REEP1: variants seen among roughly 807,000 people sequenced by gnomAD.
The protein encoded by REEP1 is receptor accessory protein 1.
In REEP1, 22 loss-of-function variants were observed where a neutral mutation model predicts 40.3. The observed-to-expected ratio is 0.55, with a 90% CI of 0.39 to 0.78. REEP1 has a LOEUF of 0.78. Ranked by LOEUF, REEP1 falls within the 30% of genes least tolerant of loss-of-function variation. The pLI, the probability that REEP1 is intolerant of heterozygous loss-of-function variation, is 0.00. For missense variants in REEP1, 280 were observed against 361.1 expected (o/e 0.78, Z 1.82); for synonymous variants, 116 against 139.2 (o/e 0.83, Z 1.17).
chr2:86,329,761 G>A (rs1312896142), intron 1 of REEP1, among the ~76,000 whole-genome samples: 1 of 152,108 alleles, frequency 6.6e-6, no homozygotes, highest in African/African-American at 2.4e-5. Context: ...ACACTCTGAG[G>A]AGTGAGGTCC....
intron 1 of REEP1, among the ~76,000 whole-genome samples, chr2:86,320,179 C>T (rs144941249): frequency 4.9e-4 from 75 of 152,258 alleles, no homozygotes; most frequent in African/African-American, 1.7e-3. Flanking sequence ...GTAAAAACAC[C>T]CATTCTCTAG....
chr2:86,286,672 G>A lies in REEP1; in HGVS notation c.33-4430C>T, dbSNP rs989879388. On this transcript the variant is annotated intron_variant, in intron 1 of 8. Coordinates refer to ENST00000538924, the MANE Select transcript of REEP1 (RefSeq NM_001371279.1). ...GCTGGCCAATGTCAGCGAAAACACA[G>A]CTCTGAAGTTGCTTATCAACTTCCT... 4.3e-4 allele frequency among the ~76,000 whole-genome samples: 65 copies of A among 152,190 alleles called. 1 individual carries two copies. Among genetic ancestry groups the A allele is most frequent in the Admixed American group, 3.7e-3 (56 of 15,286 alleles).
chr2:86,237,927 A>G (rs1452539652), intron 5 of REEP1, among the ~76,000 whole-genome samples: 1 of 152,128 alleles, frequency 6.6e-6, no homozygotes. Context: ...CATGCCTGTA[A>G]TCCCAGCACT....
chr2:86,214,650 G>C lies in REEP1; in HGVS notation c.*2389C>G, dbSNP rs1573976503. The C allele has an allele frequency of 6.6e-6, 1 of 152,608 alleles. No homozygotes were observed. The allele number at this position is 152,608 out of a possible 1,614,324, so 9.5% of individuals were successfully genotyped here. A position where few individuals can be genotyped will look rare whatever the true frequency, so the allele number is the denominator to read the frequency against. ...CAGTTCATACACAAATGTACAACTT[G>C]TCAGATACGTAAACACATTTTGCCA... On this transcript the variant is annotated 3_prime_UTR_variant, in exon 9 of 9. Transcript: ENST00000538924.
intron 1 of REEP1, among the ~76,000 whole-genome samples, chr2:86,291,332 T>C (rs1678680456): frequency 6.6e-6 from 1 of 152,162 alleles, no homozygotes; most frequent in Non-Finnish European, 1.5e-5. Context: ...GGTGACAGTA[T>C]AATTTTAGGG....
In REEP1 at chr2:86,217,016, C is replaced by T; in HGVS notation, c.*23G>A. On this transcript the variant is annotated 3_prime_UTR_variant, in exon 9 of 9. Transcript: ENST00000538924. ...GGCAGAGAAGAAACATTCTGTGGAT[C>T]CGGTGCTGTTGGCTCATCTCACTCA... The T allele has an allele frequency of 1.2e-6, 2 of 1,600,902 alleles. No homozygotes were observed. The highest frequency in any genetic ancestry group is 1.1e-5 in the South Asian group (1 of 90,794).
intron 5 of REEP1, among the ~76,000 whole-genome samples, chr2:86,249,010 G>C (rs1007383323): frequency 6.6e-6 from 1 of 152,182 alleles, no homozygotes; most frequent in Non-Finnish European, 1.5e-5. Context: ...TGTAATCCCA[G>C]CACTTTGGGA....
intron 1 of REEP1, among the ~76,000 whole-genome samples, chr2:86,286,150 G>T (rs76425309): frequency 0.01 from 1,546 of 152,230 alleles, 28 homozygotes; most frequent in African/African-American, 0.035. Flanking sequence ...CCAAGTTAGG[G>T]GTCTTCATTC....
At chr2:86,239,186 T>C in intron 5 of REEP1, among the ~76,000 whole-genome samples, 1 of 124,516 alleles carries the variant, frequency 8.0e-6, no homozygotes, top group Non-Finnish European at 1.6e-5. Flanking sequence ...GTGTGCATGA[T>C]GCTGACCAAT....
At chr2:86,218,946 G>A (rs1295323287) in intron 8 of REEP1, among the ~76,000 whole-genome samples, 1 of 152,194 alleles carries the variant, frequency 6.6e-6, no homozygotes, top group Non-Finnish European at 1.5e-5. Flanking sequence ...GCTTCAGATG[G>A]CCTCTCAGGC....
At chr2:86,278,337 T>C (rs1295312836) in intron 2 of REEP1, among the ~76,000 whole-genome samples, 1 of 152,234 alleles carries the variant, frequency 6.6e-6, no homozygotes, top group Non-Finnish European at 1.5e-5. Context: ...ACCGTTCACT[T>C]AACAATTCAG....
At chr2:86,290,680 C>A (rs1863062) in intron 1 of REEP1, among the ~76,000 whole-genome samples, 16,084 of 152,204 alleles carry the variant, frequency 0.11, 1,648 homozygotes, top group African/African-American at 0.26. Flanking sequence ...GTCTCAGATA[C>A]GCTGTGGGCC....
chr2:86,265,074 C>A (rs905836495), intron 2 of REEP1, among the ~76,000 whole-genome samples: 1 of 152,188 alleles, frequency 6.6e-6, no homozygotes, highest in African/African-American at 2.4e-5. Context: ...CATATAAATT[C>A]TCTTCAAAAA....
rs114624321 is a variant in REEP1, at chr2:86,232,470, G to A, written c.595+155C>T. Reference sequence around the variant, plus strand: ...CCTGGCCGGGCCTGAGGGGTGCTCCGCCCCTTGGCTGACCTGGCATGATCT... The same window carrying A: ...CCTGGCCGGGCCTGAGGGGTGCTCCACCCCTTGGCTGACCTGGCATGATCT... On this transcript the variant is annotated intron_variant, in intron 6 of 8. Coordinates refer to ENST00000538924, the MANE Select transcript of REEP1 (RefSeq NM_001371279.1). Among the ~76,000 whole-genome samples, 2,109 of 152,272 alleles carry A rather than the reference G, an allele frequency of 0.014. 41 individuals are homozygous for A. The highest frequency in any genetic ancestry group is 0.047 in the African/African-American group (1,957 of 41,530).
Position 86,323,571 on chromosome 2 carries a change from T to C in REEP1, c.32+13908A>G, listed in dbSNP as rs143889739. ...GAGACTTAGGTTGCACAGCTCCTTA[T>C]GAGAATTTAACGAATGCCTGATGAT... On this transcript the variant is annotated intron_variant, in intron 1 of 8. Transcript: ENST00000538924. Among the ~76,000 whole-genome samples, 310 of 152,166 alleles carry C rather than the reference T, an allele frequency of 2.0e-3. 4 individuals carry two copies. The highest frequency in any genetic ancestry group is 7.2e-3 in the African/African-American group (297 of 41,518).
At chr2:86,292,901 G>A (rs185582895) in intron 1 of REEP1, among the ~76,000 whole-genome samples, 9 of 152,172 alleles carry the variant, frequency 5.9e-5, no homozygotes, top group South Asian at 4.2e-4. Flanking sequence ...TGCATGTGTC[G>A]GTCTGGCAGA....
chr2:86,267,836 A>C (rs957157861), intron 2 of REEP1, among the ~76,000 whole-genome samples: 1 of 151,912 alleles, frequency 6.6e-6, no homozygotes, highest in Non-Finnish European at 1.5e-5. Flanking sequence ...TATATAAAAA[A>C]CTCTTATAAC....
At chr2:86,274,232 G>T (rs1342183651) in intron 2 of REEP1, among the ~76,000 whole-genome samples, 1 of 152,198 alleles carries the variant, frequency 6.6e-6, no homozygotes, top group Non-Finnish European at 1.5e-5. Context: ...GCACCAACAA[G>T]AAAGTAAAGA....
intron 5 of REEP1, among the ~76,000 whole-genome samples, chr2:86,245,332 C>T (rs149776574): frequency 2.0e-4 from 30 of 152,228 alleles, no homozygotes; most frequent in Non-Finnish European, 2.2e-4. Flanking sequence ...ATGCTCAGAG[C>T]GAGACCTGCT....
Sources: allele counts gnomAD v4.1 joint callset (sites outside exome capture counted in the v4.1 genomes callset), GRCh38; gene constraint gnomAD v4.1.1; transcripts MANE v1.5; gene names NCBI Gene and HGNC (gene_info 2026-07-23, HGNC 2026-07-21).